FGF14: variants seen among roughly 807,000 people sequenced by gnomAD.
The protein encoded by FGF14 is fibroblast growth factor homologous factor 4.
Under a neutral mutation model 25.5 loss-of-function variants are expected in FGF14, and 5 were observed. The ratio of observed to expected loss-of-function variants is 0.20; its 90% CI spans 0.10 to 0.41. The LOEUF (loss-of-function observed/expected upper bound fraction) is 0.41, where lower values mean the gene tolerates loss of function less well. FGF14 is among the 10% of genes least tolerant of loss of function. The probability of loss-of-function intolerance (pLI) is 1.00; values close to 1 mark genes in which losing one functional copy is unlikely to be tolerated. For synonymous variants in FGF14, 138 were observed against 118.3 expected (o/e 1.17, Z -1.08); for missense variants, 222 against 320.1 (o/e 0.69, Z 2.34).
At chr13:102,119,494 A>G in intron 1 of FGF14, among the ~76,000 whole-genome samples, 1 of 152,206 alleles carries the variant, frequency 6.6e-6, no homozygotes, top group East Asian at 1.9e-4. Flanking sequence ...AAACGAGGCT[A>G]AGAAAGTATT....
At chr13:102,090,105 A>C (rs1477468105) in intron 1 of FGF14, among the ~76,000 whole-genome samples, 2 of 152,252 alleles carry the variant, frequency 1.3e-5, no homozygotes, top group Non-Finnish European at 2.9e-5. Flanking sequence ...AAAAAGGTCA[A>C]AATCAAAATG....
At chr13:102,124,852 G>A (rs1049170176) in intron 1 of FGF14, among the ~76,000 whole-genome samples, 5 of 152,050 alleles carry the variant, frequency 3.3e-5, no homozygotes, top group African/African-American at 1.2e-4. Flanking sequence ...AAAAGCTTAT[G>A]ATGGTATATA....
At chr13:101,911,500 C>T (rs1219381079) in intron 1 of FGF14, among the ~76,000 whole-genome samples, 1 of 152,108 alleles carries the variant, frequency 6.6e-6, no homozygotes, top group Admixed American at 6.5e-5. Context: ...TATTGAACTA[C>T]TGAGGTATTA....
At position 102,365,017 on chromosome 13, in the gene FGF14, C is replaced by T. The variant is rs139598175; in HGVS notation, c.208+36454G>A. Among the ~76,000 whole-genome samples the T allele has an allele frequency of 4.5e-3, 691 of 152,208 alleles. 3 individuals are homozygous for T. Among genetic ancestry groups the T allele is most frequent in the African/African-American group, 0.016 (653 of 41,510 alleles). On this transcript the variant is annotated intron_variant, in intron 1 of 4. Coordinates refer to the FGF14 transcript ENST00000376131. The stretch of plus-strand genomic sequence containing the variant: ...CCTTAAAAATTTACCTAACTTCCAA[C>T]GCTCTTGCTATTTTTTGTCTTTACA...
intron 3 of FGF14, among the ~76,000 whole-genome samples, chr13:101,777,965 A>G (rs1330862349): frequency 1.3e-5 from 2 of 152,118 alleles, no homozygotes; most frequent in African/African-American, 4.8e-5. Flanking sequence ...ACTCCATCTC[A>G]AAATAAAATA....
intron 1 of FGF14, among the ~76,000 whole-genome samples, chr13:102,148,707 C>G (rs2046956124): frequency 6.6e-6 from 1 of 152,052 alleles, no homozygotes; most frequent in African/African-American, 2.4e-5. Context: ...TACTCAGGAG[C>G]TTGAACCCAG....
At chr13:102,023,009 A>C (rs1457344789) in intron 1 of FGF14, among the ~76,000 whole-genome samples, 1 of 151,624 alleles carries the variant, frequency 6.6e-6, no homozygotes, top group Non-Finnish European at 1.5e-5. Flanking sequence ...ACAGTCAATT[A>C]GGAAAACTGT....
At chr13:101,976,856 A>AT (rs1259690187) in intron 1 of FGF14, among the ~76,000 whole-genome samples, 2 of 152,222 alleles carry the variant, frequency 1.3e-5, no homozygotes, top group Non-Finnish European at 2.9e-5. Flanking sequence ...TGATCAGCAG[A>AT]TATCGCATAC....
At chr13:102,250,557 G>A (rs1159287810) in intron 1 of FGF14, among the ~76,000 whole-genome samples, 1 of 152,136 alleles carries the variant, frequency 6.6e-6, no homozygotes, top group East Asian at 1.9e-4. Context: ...ACATAAGTGT[G>A]ACTGGCATTG....
chr13:101,801,908 G>A, intron 3 of FGF14: 1 of 423,816 alleles, frequency 2.4e-6, no homozygotes, highest in Non-Finnish European at 4.6e-6. Flanking sequence ...GAAACCAAAG[G>A]GTAAGATGTC....
chr13:101,802,942 A>G (rs1376500551), intron 3 of FGF14, among the ~76,000 whole-genome samples: 1 of 152,026 alleles, frequency 6.6e-6, no homozygotes, highest in Non-Finnish European at 1.5e-5. Flanking sequence ...GAGAAACTGG[A>G]GCTCAGTGCA....
chr13:101,766,985 T>C (rs533726118), intron 3 of FGF14, among the ~76,000 whole-genome samples: 6 of 152,310 alleles, frequency 3.9e-5, no homozygotes, highest in Admixed American at 3.9e-4. Context: ...TAAATAGTCT[T>C]AACTAGGCTT....
chr13:102,260,324 C>A (rs568762211), intron 1 of FGF14, among the ~76,000 whole-genome samples: 7 of 152,288 alleles, frequency 4.6e-5, no homozygotes, highest in Non-Finnish European at 1.0e-4. Context: ...ATCTTGGAAA[C>A]CCAACCACGC....
chr13:101,916,091 C>T (rs1047025588), intron 1 of FGF14, among the ~76,000 whole-genome samples: 14 of 152,354 alleles, frequency 9.2e-5, no homozygotes, highest in South Asian at 6.2e-4. Flanking sequence ...GGTGGCTCGA[C>T]CCCGGGTGTG....
At chr13:101,963,061 G>T (rs1594842891) in intron 1 of FGF14, among the ~76,000 whole-genome samples, 1 of 152,126 alleles carries the variant, frequency 6.6e-6, no homozygotes, top group African/African-American at 2.4e-5. Context: ...CCCGTTACTG[G>T]CAGGATCAAG....
At chr13:102,213,879 G>A (rs956322763) in intron 1 of FGF14, among the ~76,000 whole-genome samples, 3 of 152,128 alleles carry the variant, frequency 2.0e-5, no homozygotes, top group African/African-American at 7.2e-5. Context: ...TTAACTAGGA[G>A]ACAGCTCAGT....
intron 1 of FGF14, among the ~76,000 whole-genome samples, chr13:102,235,937 C>T (rs1446354531): frequency 1.3e-5 from 2 of 152,164 alleles, no homozygotes; most frequent in Non-Finnish European, 2.9e-5. Flanking sequence ...CCTGATGTCC[C>T]AATATCTTAA....
At chr13:101,810,642 C>T (rs188934649) in intron 3 of FGF14, among the ~76,000 whole-genome samples, 6 of 152,338 alleles carry the variant, frequency 3.9e-5, no homozygotes, top group African/African-American at 7.2e-5. Context: ...CTCTGTCTTA[C>T]AGCCTCATCT....
chr13:101,910,017 C>G lies in FGF14; in HGVS notation c.193+6436G>C, dbSNP rs561528783. Among the ~76,000 whole-genome samples, 378 of 151,952 alleles carry G rather than the reference C, an allele frequency of 2.5e-3. 4 individuals carry two copies. The highest frequency in any genetic ancestry group is 8.6e-3 in the African/African-American group (358 of 41,428). ...ACAAAAAAACCAAACACCGCACGTT[C>G]TCACTCATAGGTGGGAATTGAACAA... On this transcript the variant is annotated intron_variant, in intron 1 of 4. Transcript: ENST00000376143.
Sources: allele counts gnomAD v4.1 joint callset (sites outside exome capture counted in the v4.1 genomes callset), GRCh38; gene constraint gnomAD v4.1.1; transcripts MANE v1.5; gene names NCBI Gene and HGNC (gene_info 2026-07-23, HGNC 2026-07-21).